Variants in PPP3R1 observed in about 807,000 individuals in gnomAD.
PPP3R1 encodes the protein calcineurin subunit B type 1.
A neutral mutation model predicts 22.6 loss-of-function variants in PPP3R1; 5 were observed. The ratio of observed to expected loss-of-function variants is 0.22; its 90% CI spans 0.12 to 0.46. PPP3R1 has a LOEUF of 0.46. PPP3R1 is among the 20% of genes least tolerant of loss of function. PPP3R1 has a pLI of 0.99. For missense variants in PPP3R1, 61 were observed against 203.2 expected, an observed-to-expected ratio of 0.30 and a Z score of 4.25; for synonymous variants, 56 against 65.2, an observed-to-expected ratio of 0.86 and a Z score of 0.68.
intron 1 of PPP3R1, among the ~76,000 whole-genome samples, chr2:68,225,714 T>C (rs1023299911): frequency 5.3e-5 from 8 of 152,180 alleles, no homozygotes; most frequent in African/African-American, 1.7e-4. Flanking sequence ...CGGCTAAAAA[T>C]AAAAACACTG....
intron 2 of PPP3R1, among the ~76,000 whole-genome samples, chr2:68,216,846 A>G (rs183598207): frequency 3.8e-3 from 578 of 152,336 alleles, no homozygotes; most frequent in Non-Finnish European, 5.8e-3. Context: ...GGGTTTAATT[A>G]TAACTATAGT....
chr2:68,198,062 CAAAAA>C (rs199824687), intron 2 of PPP3R1, among the ~76,000 whole-genome samples: 3,141 of 41,042 alleles, frequency 0.077, 19 homozygotes, highest in African/African-American at 0.089. Context: ...GCACCTTTGG[CAAAAA>C]AAAAAAAAAA....
chr2:68,189,984 G>T (rs189489200), intron 2 of PPP3R1, among the ~76,000 whole-genome samples: 1 of 151,892 alleles, frequency 6.6e-6, no homozygotes, highest in Non-Finnish European at 1.5e-5. Context: ...CACTAGAAAA[G>T]AGTACAAATA....
intron 2 of PPP3R1, among the ~76,000 whole-genome samples, chr2:68,198,415 G>A (rs59973313): frequency 0.08 from 6,180 of 77,244 alleles, 1,023 homozygotes; most frequent in African/African-American, 0.24. Context: ...GTATGTATAT[G>A]CATATATACG....
intron 1 of PPP3R1, 133 bp downstream of exon 1, chr2:68,251,992 A>C: frequency 2.2e-6 from 2 of 908,522 alleles, no homozygotes; most frequent in Non-Finnish European, 1.4e-6. Context: ...CCGCCGCGGG[A>C]CCCGCCGGGC....
intron 1 of PPP3R1, chr2:68,251,086 T>C (rs1283935267): frequency 3.3e-5 from 5 of 152,218 alleles, no homozygotes; most frequent in Non-Finnish European, 5.9e-5. Flanking sequence ...ATACGCGGAA[T>C]AGCACTCTGA....
intron 2 of PPP3R1, among the ~76,000 whole-genome samples, chr2:68,188,906 G>T (rs1350843770): frequency 6.6e-6 from 1 of 152,026 alleles, no homozygotes; most frequent in Non-Finnish European, 1.5e-5. Context: ...ATAAATACTT[G>T]TATTTGGTTA....
At chr2:68,211,625 A>G (rs1271982099) in intron 2 of PPP3R1, among the ~76,000 whole-genome samples, 1 of 152,176 alleles carries the variant, frequency 6.6e-6, no homozygotes, top group Non-Finnish European at 1.5e-5. Flanking sequence ...GTAACATGCA[A>G]TGCTGTTTGA....
At chr2:68,198,339 GTACA>G (rs2103739605) in intron 2 of PPP3R1, among the ~76,000 whole-genome samples, 3 of 60,494 alleles carry the variant, frequency 5.0e-5, no homozygotes, top group African/African-American at 2.6e-4. Flanking sequence ...GTACATATAT[GTACA>G]TGTATATGCA....
intron 2 of PPP3R1, 50 bp downstream of exon 2, chr2:68,217,042 A>T: frequency 7.9e-7 from 1 of 1,264,326 alleles, no homozygotes; most frequent in Non-Finnish European, 1.1e-6. Flanking sequence ...ACACACACAG[A>T]GAGAGATGAG....
chr2:68,216,184 A>T (rs766581869), intron 2 of PPP3R1, among the ~76,000 whole-genome samples: 8 of 152,164 alleles, frequency 5.3e-5, no homozygotes, highest in Non-Finnish European at 7.4e-5. Context: ...GTCTAAGCTA[A>T]GTCTTAAAAA....
chr2:68,222,516 G>T (rs147609490), intron 1 of PPP3R1, among the ~76,000 whole-genome samples: 47 of 152,308 alleles, frequency 3.1e-4, no homozygotes, highest in Admixed American at 5.9e-4. Context: ...AGAACAAAAA[G>T]GCAGAAGATT....
At chr2:68,198,371 GTACA>G (rs1674871900) in intron 2 of PPP3R1, among the ~76,000 whole-genome samples, 2 of 89,356 alleles carry the variant, frequency 2.2e-5, no homozygotes, top group South Asian at 2.8e-4. Flanking sequence ...GTACATATAT[GTACA>G]TGTATATGCA....
At chr2:68,206,849 T>C (rs1421401762) in intron 2 of PPP3R1, among the ~76,000 whole-genome samples, 1 of 152,158 alleles carries the variant, frequency 6.6e-6, no homozygotes, top group Non-Finnish European at 1.5e-5. Context: ...GTTAAACTTT[T>C]TTAAAAAGTA....
intron 1 of PPP3R1, among the ~76,000 whole-genome samples, chr2:68,249,291 TAA>T (rs1390871777): frequency 9.5e-5 from 14 of 147,976 alleles, no homozygotes; most frequent in Admixed American, 9.3e-4. Context: ...CCGCTGGTCA[TAA>T]GACAGGTTTT....
At chr2:68,184,958 C>T (rs1449721992) in intron 5 of PPP3R1, among the ~76,000 whole-genome samples, 5 of 152,160 alleles carry the variant, frequency 3.3e-5, no homozygotes, top group Admixed American at 3.3e-4. Flanking sequence ...CAGTGGCTCA[C>T]GCCTATAATC....
chr2:68,225,252 C>T (rs1669761164), intron 1 of PPP3R1, among the ~76,000 whole-genome samples: 1 of 152,190 alleles, frequency 6.6e-6, no homozygotes, highest in Admixed American at 6.5e-5. Context: ...CCAGGTGGCC[C>T]TGACCTGTAA....
intron 1 of PPP3R1, among the ~76,000 whole-genome samples, chr2:68,221,102 C>G (rs780960645): frequency 6.6e-6 from 1 of 151,974 alleles, no homozygotes; most frequent in Non-Finnish European, 1.5e-5. Context: ...GAGGCCGAGG[C>G]AGGCAGATCA....
At chr2:68,211,419 A>AAAAAC (rs1669482997) in intron 2 of PPP3R1, among the ~76,000 whole-genome samples, 2 of 151,644 alleles carry the variant, frequency 1.3e-5, no homozygotes, top group Non-Finnish European at 2.9e-5. Context: ...AAAAAAAAAA[A>AAAAAC]AAAAAACTCT....
Sources: gnomAD v4.1 joint callset for allele counts (sites outside exome capture counted in the v4.1 genomes callset) on GRCh38, gnomAD v4.1.1 for gene constraint, MANE v1.5 for transcripts, NCBI Gene and HGNC (gene_info 2026-07-23, HGNC 2026-07-21) for gene names.